SKAP2: variants seen among roughly 807,000 people sequenced by gnomAD.
SKAP2 encodes the protein src kinase-associated phosphoprotein 2.
SKAP2 carries 28 observed loss-of-function variants against 54.9 expected under a neutral mutation model. That is an observed-to-expected ratio of 0.51 (90% confidence interval 0.38 to 0.70). The LOEUF is 0.70. Among genes scored for constraint, SKAP2 ranks in the 30% least tolerant of loss-of-function variants. The pLI is 0.00. For missense variants in SKAP2, 356 were observed against 424.1 expected (o/e 0.84, Z 1.41); for synonymous variants, 137 against 134.3 (o/e 1.02, Z -0.14).
At chr7:26,765,316 T>G (rs566474856) in intron 4 of SKAP2, among the ~76,000 whole-genome samples, 9 of 150,518 alleles carry the variant, frequency 6.0e-5, no homozygotes, top group African/African-American at 2.3e-4. Flanking sequence ...CACCCACTTT[T>G]TGATGTTTTT....
intron 4 of SKAP2, among the ~76,000 whole-genome samples, chr7:26,747,366 G>T (rs1006064965): frequency 5.3e-5 from 8 of 152,134 alleles, no homozygotes; most frequent in African/African-American, 1.9e-4. Context: ...ATGCTTTGGG[G>T]AAAAGGCTTT....
At chr7:26,707,074 T>C (rs1263899096) in intron 9 of SKAP2, among the ~76,000 whole-genome samples, 1 of 152,196 alleles carries the variant, frequency 6.6e-6, no homozygotes, top group Non-Finnish European at 1.5e-5. Context: ...CAAGAAGTAA[T>C]TAAAGCCAGG....
intron 6 of SKAP2, among the ~76,000 whole-genome samples, chr7:26,736,705 C>G (rs865935624): frequency 6.6e-6 from 1 of 152,176 alleles, no homozygotes; most frequent in Admixed American, 6.5e-5. Flanking sequence ...TCAAGACCCC[C>G]TTCCAGTAAC....
intron 4 of SKAP2, among the ~76,000 whole-genome samples, chr7:26,777,137 A>G (rs1783328511): frequency 1.3e-5 from 2 of 152,180 alleles, no homozygotes; most frequent in Non-Finnish European, 2.9e-5. Flanking sequence ...TATAAACTTA[A>G]AGAAAAAAAT....
the SKAP2 span, among the ~76,000 whole-genome samples, chr7:26,660,435 T>G: frequency 1.3e-5 from 2 of 152,070 alleles, no homozygotes; most frequent in Non-Finnish European, 2.9e-5. Flanking sequence ...AGGCACTAAA[T>G]GCTAAGCTAC....
In SKAP2 at chr7:26,670,192, C is replaced by G; in HGVS notation, c.988G>C (p.Glu330Gln). The change falls in exon 12 of 13, where the codon GAA (glutamate) becomes CAA (glutamine). Residue 330 changes from glutamate (E) to glutamine (Q), a missense_variant and splice_region_variant. By Grantham distance (29) the Glu-to-Gln change is conservative. Coordinates refer to ENST00000345317, the MANE Select transcript of SKAP2 (RefSeq NM_003930.5). ...ACCCACCAGCCATATCTATTGTATT[C>G]CTAATTGAAAACAATATGCAATATT... ...RGDVIYILSK[E>Q]YNRYGWWVGE... 1 of 1,488,906 alleles carries G rather than the reference C, an allele frequency of 6.7e-7. No homozygotes were observed. The highest frequency in any genetic ancestry group is 9.4e-7 in the Non-Finnish European group (1 of 1,066,394). The allele number at this position is 1,488,906 out of a possible 1,614,324, so 92.2% of individuals were successfully genotyped here.
intron 9 of SKAP2, among the ~76,000 whole-genome samples, chr7:26,699,365 C>T (rs6461961): frequency 0.52 from 78,722 of 151,894 alleles, 21,670 homozygotes; most frequent in East Asian, 0.88. Flanking sequence ...TCTACCAAGA[C>T]AGACATTCAA....
chr7:26,736,170 G>A (rs1387274214), intron 6 of SKAP2, among the ~76,000 whole-genome samples: 1 of 152,140 alleles, frequency 6.6e-6, no homozygotes, highest in African/African-American at 2.4e-5. Context: ...GCATTCCCAG[G>A]AGGTTAGGCA....
chr7:26,661,212 G>A, the SKAP2 span, among the ~76,000 whole-genome samples: 2 of 152,084 alleles, frequency 1.3e-5, no homozygotes, highest in Non-Finnish European at 2.9e-5. Context: ...TACATGTAAC[G>A]AGGTTCTGGT....
chr7:26,658,552 T>C, the SKAP2 span, among the ~76,000 whole-genome samples: 1 of 152,040 alleles, frequency 6.6e-6, no homozygotes, highest in African/African-American at 2.4e-5. Context: ...TACCTCACTG[T>C]CATCTGATTG....
At chr7:26,750,248 A>G (rs1229769752) in intron 4 of SKAP2, among the ~76,000 whole-genome samples, 4 of 151,834 alleles carry the variant, frequency 2.6e-5, no homozygotes, top group Non-Finnish European at 4.4e-5. Context: ...GTAACATGAT[A>G]TATTTTAATA....
intron 4 of SKAP2, among the ~76,000 whole-genome samples, chr7:26,839,794 A>C (rs1177557819): frequency 6.6e-6 from 1 of 152,070 alleles, no homozygotes; most frequent in Non-Finnish European, 1.5e-5. Flanking sequence ...TTCCTCAAAA[A>C]TTTGGTACAT....
intron 4 of SKAP2, among the ~76,000 whole-genome samples, chr7:26,834,314 G>A (rs1371507575): frequency 6.6e-6 from 1 of 152,060 alleles, no homozygotes; most frequent in Non-Finnish European, 1.5e-5. Context: ...AAATTCAAAA[G>A]CTAGCAGAAG....
intron 4 of SKAP2, among the ~76,000 whole-genome samples, chr7:26,759,291 T>G (rs187853203): frequency 2.0e-5 from 3 of 152,330 alleles, no homozygotes; most frequent in Non-Finnish European, 4.4e-5. Flanking sequence ...ATATGAATGA[T>G]GTACACTTCA....
chr7:26,793,944 C>T (rs1327989), intron 4 of SKAP2, among the ~76,000 whole-genome samples: 32,587 of 152,028 alleles, frequency 0.21, 3,575 homozygotes, highest in Non-Finnish European at 0.24. Context: ...AAATTAAAGC[C>T]CAAAAGAAAT....
intron 2 of SKAP2, 41 bp from the exon 3 acceptor site, chr7:26,854,203 T>C (rs1200850127): frequency 2.9e-6 from 4 of 1,356,502 alleles, no homozygotes; most frequent in Admixed American, 2.0e-5. Flanking sequence ...GGTTGAAAAA[T>C]CAAAACAAGG....
intron 6 of SKAP2, among the ~76,000 whole-genome samples, chr7:26,731,680 C>T (rs990996706): frequency 3.3e-5 from 5 of 152,180 alleles, no homozygotes; most frequent in Admixed American, 6.5e-5. Flanking sequence ...CTTATCCCCA[C>T]TCCCAACACT....
At chr7:26,730,739 T>G (rs747777827) in intron 6 of SKAP2, among the ~76,000 whole-genome samples, 9 of 152,220 alleles carry the variant, frequency 5.9e-5, no homozygotes, top group African/African-American at 2.2e-4. Flanking sequence ...TACACAATCC[T>G]AATTCAGCAG....
At chr7:26,781,176 T>C (rs1391256779) in intron 4 of SKAP2, among the ~76,000 whole-genome samples, 2 of 152,140 alleles carry the variant, frequency 1.3e-5, no homozygotes, top group Non-Finnish European at 2.9e-5. Flanking sequence ...TTATCCCTCA[T>C]CAACACAGAA....
Sources: gnomAD v4.1 joint callset for allele counts (sites outside exome capture counted in the v4.1 genomes callset) on GRCh38, gnomAD v4.1.1 for gene constraint, MANE v1.5 for transcripts, NCBI Gene and HGNC (gene_info 2026-07-23, HGNC 2026-07-21) for gene names.